Variants in ACYP2 observed in about 807,000 individuals in gnomAD.
The protein encoded by ACYP2 is acylphosphatase 2.
A neutral mutation model predicts 11.2 loss-of-function variants in ACYP2; 12 were observed. The ratio of observed to expected loss-of-function variants is 1.08; its 90% CI spans 0.69 to 1.74. The LOEUF is 1.74. ACYP2 is among the 40% of genes most tolerant of loss of function. The probability of loss-of-function intolerance (pLI) is 0.00; values close to 1 mark genes in which losing one functional copy is unlikely to be tolerated. For synonymous variants in ACYP2, 43 were observed against 32.2 expected (o/e 1.33, Z -1.13); for missense variants, 134 against 101.9 (o/e 1.31, Z -1.35).
intron 4 of ACYP2, among the ~76,000 whole-genome samples, chr2:54,125,879 A>C (rs943824225): frequency 6.6e-6 from 1 of 151,940 alleles, no homozygotes; most frequent in Non-Finnish European, 1.5e-5. Context: ...TCAGGCATTC[A>C]AGACCAGCCT....
chr2:54,039,727 G>T (rs550977235), intron 2 of ACYP2, among the ~76,000 whole-genome samples: 1 of 152,164 alleles, frequency 6.6e-6, no homozygotes, highest in African/African-American at 2.4e-5. Context: ...CCTTTGGAGG[G>T]CTTGGAGGGT....
intron 2 of ACYP2, among the ~76,000 whole-genome samples, chr2:54,046,977 G>A (rs1321108441): frequency 6.6e-6 from 1 of 152,152 alleles, no homozygotes; most frequent in Non-Finnish European, 1.5e-5. Flanking sequence ...CCATGATAGT[G>A]TCTACCTCAT....
chr2:54,251,398 T>C (rs1687216898), intron 6 of ACYP2, among the ~76,000 whole-genome samples: 1 of 152,234 alleles, frequency 6.6e-6, no homozygotes, highest in African/African-American at 2.4e-5. Context: ...ACTTTGGGTT[T>C]TTCTTAAGCA....
Position 54,015,681 on chromosome 2 carries a change from ACACACAC to A in ACYP2, c.63-35276_63-35270del, listed in dbSNP as rs1558473122. ...CACACACACACACACACACACACAC[ACACACAC>A]GGCAGAATCTCAGCCTGTGCCCCAA... On this transcript the variant is annotated intron_variant, in intron 2 of 6. Coordinates refer to ENST00000607452, the MANE Select transcript of ACYP2 (RefSeq NM_001320586.2). Among the ~76,000 whole-genome samples the A allele has an allele frequency of 3.7e-3, 565 of 150,690 alleles. 7 individuals carry two copies. The highest frequency in any genetic ancestry group is 0.013 in the African/African-American group (543 of 40,574).
intron 4 of ACYP2, among the ~76,000 whole-genome samples, chr2:54,080,857 C>G (rs1175969521): frequency 6.6e-6 from 1 of 152,030 alleles, no homozygotes; most frequent in African/African-American, 2.4e-5. Flanking sequence ...AGCTCCCCAG[C>G]TAAAGTGATT....
At chr2:54,296,724 A>G (rs1018711193) in intron 6 of ACYP2, among the ~76,000 whole-genome samples, 1 of 151,980 alleles carries the variant, frequency 6.6e-6, no homozygotes, top group Non-Finnish European at 1.5e-5. Context: ...TTTCATTTTC[A>G]AAACCTCTAC....
At position 54,282,311 on chromosome 2, in the gene ACYP2, C is replaced by T. The variant is rs117129119; in HGVS notation, c.405-22377C>T. ...AAATGACCACCAAATCCCACCGTCACGGACGATGGGAAACTAAAATCAGCT... is the reference window on the plus strand; with the variant it reads ...AAATGACCACCAAATCCCACCGTCATGGACGATGGGAAACTAAAATCAGCT... On this transcript the variant is annotated intron_variant, in intron 6 of 6. Transcript: ENST00000607452. Among the ~76,000 whole-genome samples, 43 of 152,316 alleles carry T rather than the reference C, an allele frequency of 2.8e-4. No individual in the cohort carries two copies. In the East Asian group the frequency reaches 6.2e-3, roughly 22 times the overall value.
chr2:54,191,620 T>C lies in ACYP2; in HGVS notation c.404+52872T>C, dbSNP rs1684243789. On this transcript the variant is annotated intron_variant, in intron 6 of 6. Transcript: ENST00000607452. ...ACAGTCCTTAAGAGAATTTAATGAA[T>C]TTATGAGAAGCAGTTGGAATAGTCA... Among the ~76,000 whole-genome samples the C allele has an allele frequency of 3.3e-5, 5 of 151,928 alleles. No homozygotes were observed. The South Asian group carries it at 1.0e-3, about 32-fold the overall frequency.
chr2:54,251,886 A>G (rs1224152463), intron 6 of ACYP2, among the ~76,000 whole-genome samples: 1 of 152,188 alleles, frequency 6.6e-6, no homozygotes, highest in African/African-American at 2.4e-5. Context: ...TCCCTACAGG[A>G]GTTCCTCTCC....
At chr2:54,301,514 A>T (rs1254682679) in intron 6 of ACYP2, among the ~76,000 whole-genome samples, 3 of 152,090 alleles carry the variant, frequency 2.0e-5, no homozygotes, top group Non-Finnish European at 4.4e-5. Flanking sequence ...ATTCCATTTT[A>T]AATCTCTATG....
At chr2:54,185,562 T>C (rs778144735) in intron 6 of ACYP2, among the ~76,000 whole-genome samples, 11 of 152,044 alleles carry the variant, frequency 7.2e-5, no homozygotes, top group Non-Finnish European at 1.2e-4. Flanking sequence ...CAACAAAAAT[T>C]TAGAATGAGG....
intron 6 of ACYP2, among the ~76,000 whole-genome samples, chr2:54,303,272 G>C (rs1689796923): frequency 6.6e-6 from 1 of 152,056 alleles, no homozygotes; most frequent in African/African-American, 2.4e-5. Context: ...GATTACTTGA[G>C]CCCTGAAGGT....
At chr2:53,994,341 A>C (rs1240619049) in intron 2 of ACYP2, among the ~76,000 whole-genome samples, 1 of 149,046 alleles carries the variant, frequency 6.7e-6, no homozygotes, top group Non-Finnish European at 1.5e-5. Flanking sequence ...AAAAAAAAAA[A>C]AAAAAAAAAA....
intron 6 of ACYP2, among the ~76,000 whole-genome samples, chr2:54,302,621 C>T (rs965676428): frequency 1.3e-5 from 2 of 152,202 alleles, no homozygotes; most frequent in Admixed American, 1.3e-4. Context: ...TCTAACCAGA[C>T]TCATAGGTCC....
intron 6 of ACYP2, chr2:54,254,917 G>C (rs1396467346): frequency 1.9e-6 from 3 of 1,607,556 alleles, no homozygotes; most frequent in Non-Finnish European, 2.5e-6. Flanking sequence ...CAAAGGCAAA[G>C]GTTAACCACA....
intron 6 of ACYP2, among the ~76,000 whole-genome samples, chr2:54,178,249 A>G (rs925500187): frequency 1.3e-5 from 2 of 152,128 alleles, no homozygotes; most frequent in Non-Finnish European, 1.5e-5. Context: ...TTTTATATTG[A>G]TTTTTATCAC....
chr2:54,218,451 T>A (rs1572950289), intron 6 of ACYP2, among the ~76,000 whole-genome samples: 1 of 152,334 alleles, frequency 6.6e-6, no homozygotes, highest in East Asian at 1.9e-4. Flanking sequence ...AGAACAGGGA[T>A]CATATGTATT....
At chr2:54,201,594 C>CTTT (rs57144917) in intron 6 of ACYP2, among the ~76,000 whole-genome samples, 2 of 95,742 alleles carry the variant, frequency 2.1e-5, no homozygotes, top group African/African-American at 4.0e-5. Flanking sequence ...TTCTTTCTTT[C>CTTT]TCTTTCTTTC....
intron 4 of ACYP2, among the ~76,000 whole-genome samples, chr2:54,134,335 A>AATAC (rs1681099423): frequency 6.6e-6 from 1 of 152,124 alleles, no homozygotes; most frequent in African/African-American, 2.4e-5. Flanking sequence ...TAAATAAATA[A>AATAC]AGAACTGAGG....
Sources: allele counts gnomAD v4.1 joint callset (sites outside exome capture counted in the v4.1 genomes callset), GRCh38; gene constraint gnomAD v4.1.1; transcripts MANE v1.5; gene names NCBI Gene and HGNC (gene_info 2026-07-23, HGNC 2026-07-21).